The following CHST9 variants were observed in gnomAD, a reference collection of about 807,000 sequenced individuals.
CHST9 encodes the protein GalNAc-4-sulfotransferase 2.
A neutral mutation model predicts 44.4 loss-of-function variants in CHST9; 41 were observed. The observed-to-expected ratio is 0.92, with a 90% confidence interval of 0.72 to 1.20. CHST9 has a LOEUF of 1.20. CHST9 is among the 50% of genes most tolerant of loss of function. The probability of loss-of-function intolerance (pLI) is 0.00; values close to 1 mark genes in which losing one functional copy is unlikely to be tolerated. For synonymous variants in CHST9, 171 were observed against 178.4 expected, an observed-to-expected ratio of 0.96 and a Z score of 0.33; for missense variants, 504 against 516.5, an observed-to-expected ratio of 0.98 and a Z score of 0.23.
At chr18:26,996,475 G>A (rs2056889407) in intron 4 of CHST9, among the ~76,000 whole-genome samples, 1 of 152,094 alleles carries the variant, frequency 6.6e-6, no homozygotes, top group Non-Finnish European at 1.5e-5. Context: ...AAAGTGTGTG[G>A]TACATGCAGG....
intron 3 of CHST9, among the ~76,000 whole-genome samples, chr18:27,041,163 T>C (rs540324991): frequency 6.6e-6 from 1 of 152,286 alleles, no homozygotes; most frequent in Admixed American, 6.5e-5. Context: ...CCCAATTTTG[T>C]CAAGACCTGC....
intron 4 of CHST9, among the ~76,000 whole-genome samples, chr18:26,995,360 C>A (rs1024648149): frequency 7.3e-5 from 11 of 150,554 alleles, no homozygotes; most frequent in African/African-American, 2.7e-4. Flanking sequence ...ATGGCATGAA[C>A]CCGGGAGGCG....
intron 2 of CHST9, among the ~76,000 whole-genome samples, chr18:27,102,128 A>C (rs999806289): frequency 2.0e-5 from 3 of 152,198 alleles, no homozygotes; most frequent in Non-Finnish European, 2.9e-5. Flanking sequence ...AGTGTTTTCC[A>C]AAGTTTGGTA....
intron 2 of CHST9, among the ~76,000 whole-genome samples, chr18:27,122,788 GT>G (rs1210534555): frequency 6.6e-6 from 1 of 152,066 alleles, no homozygotes; most frequent in Non-Finnish European, 1.5e-5. Context: ...GTTTATTTTG[GT>G]TATCATATGA....
chr18:26,925,665 T>C (rs1465595631), intron 5 of CHST9, among the ~76,000 whole-genome samples: 3 of 152,226 alleles, frequency 2.0e-5, no homozygotes, highest in African/African-American at 7.2e-5. Flanking sequence ...GTGACCTCGG[T>C]TATCTTATTT....
intron 4 of CHST9, among the ~76,000 whole-genome samples, chr18:26,987,821 T>C (rs1363096806): frequency 6.6e-6 from 1 of 152,194 alleles, no homozygotes; most frequent in East Asian, 1.9e-4. Flanking sequence ...CTTTCCACCA[T>C]GTGAGGACCC....
At chr18:27,031,257 T>G (rs2057337649) in intron 3 of CHST9, among the ~76,000 whole-genome samples, 1 of 152,202 alleles carries the variant, frequency 6.6e-6, no homozygotes. Context: ...CATTGTTGCC[T>G]CAAGTGCAGC....
rs1195162077 is a variant in CHST9, at chr18:26,907,272, T to C, written c.*8987A>G. On this transcript the variant is annotated 3_prime_UTR_variant, in exon 6 of 6. Coordinates refer to ENST00000618847, the MANE Select transcript of CHST9 (RefSeq NM_031422.6). ...GAGTCAGCTTAGGGAGAAATCGGGGTTGACTTCTAGGTTCCTAACTCAGAA... is the reference window on the plus strand; with the variant it reads ...GAGTCAGCTTAGGGAGAAATCGGGGCTGACTTCTAGGTTCCTAACTCAGAA... 3 of 152,474 alleles carry C rather than the reference T, an allele frequency of 2.0e-5. No homozygotes were observed. The highest frequency in any genetic ancestry group is 4.8e-5 in the African/African-American group (2 of 41,346). 9.4% of individuals were successfully genotyped at this position (152,474 alleles called of 1,614,324 possible).
intron 2 of CHST9, among the ~76,000 whole-genome samples, chr18:27,078,233 C>G (rs2057925182): frequency 6.6e-6 from 1 of 152,172 alleles, no homozygotes; most frequent in African/African-American, 2.4e-5. Context: ...GTGTGACATA[C>G]AGCCAGCCTG....
rs569370407 is a variant in CHST9 at position 27,149,558 on chromosome 18, G to A, written c.-96-6653C>T. On this transcript the variant is annotated intron_variant, in intron 1 of 5. Transcript: ENST00000618847. ...ATTTATATTACTGGGTATATATCCC[G>A]TAATGGGATTGCTGAAGTTGTCTGT... Among the ~76,000 whole-genome samples, 170 of 149,866 alleles carry A rather than the reference G, an allele frequency of 1.1e-3. 1 individual carries two copies. The highest frequency in any genetic ancestry group is 3.3e-3 in the East Asian group (17 of 5,104).
chr18:26,950,559 A>G (rs1045252545), intron 4 of CHST9, among the ~76,000 whole-genome samples: 2 of 152,204 alleles, frequency 1.3e-5, no homozygotes, highest in African/African-American at 4.8e-5. Flanking sequence ...GAATGAAACA[A>G]TGGCATTTGC....
At position 27,140,869 on chromosome 18, in the gene CHST9, A is replaced by T. The variant is rs2143863905; in HGVS notation, c.121+1820T>A. Among the ~76,000 whole-genome samples the T allele has an allele frequency of 1.3e-5, 2 of 152,386 alleles. 1 individual carries two copies. Among genetic ancestry groups the T allele is most frequent in the South Asian group, 4.1e-4 (2 of 4,830 alleles). ...AGCATAATAGTTTATGTAAACTGTA[A>T]AGGGAATTAAGAATATATTTTGACA... is the stretch of plus-strand genomic sequence containing the variant. On this transcript the variant is annotated intron_variant, in intron 2 of 5. Transcript: ENST00000618847.
intron 2 of CHST9, among the ~76,000 whole-genome samples, chr18:27,127,421 A>C (rs1450093535): frequency 1.3e-5 from 2 of 152,144 alleles, no homozygotes; most frequent in African/African-American, 4.8e-5. Flanking sequence ...TCAAAAGAGG[A>C]GGACTGAAAA....
At chr18:27,110,225 T>G (rs1480390997) in intron 2 of CHST9, among the ~76,000 whole-genome samples, 1 of 152,100 alleles carries the variant, frequency 6.6e-6, no homozygotes, top group Non-Finnish European at 1.5e-5. Flanking sequence ...GGTTGTTTTC[T>G]TACCACTTAG....
At chr18:27,035,862 G>T (rs1335270384) in intron 3 of CHST9, among the ~76,000 whole-genome samples, 1 of 152,058 alleles carries the variant, frequency 6.6e-6, no homozygotes, top group Non-Finnish European at 1.5e-5. Context: ...GCTGAGGGTA[G>T]ATCATAAGTG....
intron 2 of CHST9, among the ~76,000 whole-genome samples, chr18:27,066,637 A>G (rs1450551157): frequency 1.3e-5 from 2 of 152,110 alleles, no homozygotes; most frequent in African/African-American, 2.4e-5. Flanking sequence ...CTGACCCCCA[A>G]AGGCCTAAAT....
intron 1 of CHST9, among the ~76,000 whole-genome samples, chr18:27,183,693 A>G (rs1021150835): frequency 1.3e-5 from 2 of 152,182 alleles, no homozygotes; most frequent in East Asian, 3.9e-4. Flanking sequence ...TAGGAATCAT[A>G]CTGTTTGATC....
At chr18:27,018,734 A>C (rs1050087700) in intron 4 of CHST9, among the ~76,000 whole-genome samples, 1 of 152,218 alleles carries the variant, frequency 6.6e-6, no homozygotes, top group African/African-American at 2.4e-5. Context: ...AAGGCTGCAG[A>C]AAAGTCTCTA....
At chr18:26,963,573 T>G (rs1485122819) in intron 4 of CHST9, among the ~76,000 whole-genome samples, 81 of 137,312 alleles carry the variant, frequency 5.9e-4, no homozygotes, top group Admixed American at 4.1e-3. Context: ...TAAGGAGTAT[T>G]AAAAAAAAAA....
Sources: gnomAD v4.1 joint callset for allele counts (sites outside exome capture counted in the v4.1 genomes callset) on GRCh38, gnomAD v4.1.1 for gene constraint, MANE v1.5 for transcripts, NCBI Gene and HGNC (gene_info 2026-07-23, HGNC 2026-07-21) for gene names.